Variants in WARS2 observed in about 807,000 individuals in gnomAD.
The protein encoded by WARS2 is tryptophan--tRNA ligase, mitochondrial.
Under a neutral mutation model 36.5 loss-of-function variants are expected in WARS2, and 28 were observed. The observed-to-expected ratio is 0.77, with a 90% CI of 0.57 to 1.05. WARS2 has a LOEUF of 1.05. Ranked by LOEUF, WARS2 falls within the 50% of genes least tolerant of loss-of-function variation. WARS2 has a pLI of 0.00. For missense variants in WARS2, 435 were observed against 456.8 expected, an observed-to-expected ratio of 0.95 and a Z score of 0.44; for synonymous variants, 174 against 178.4, an observed-to-expected ratio of 0.98 and a Z score of 0.20.
chr1:119,055,247 T>C (rs1435816102), intron 2 of WARS2, among the ~76,000 whole-genome samples: 1 of 152,172 alleles, frequency 6.6e-6, no homozygotes, highest in Non-Finnish European at 1.5e-5. Context: ...TTTGAAGATA[T>C]TCACAGAGAT....
rs1269123473 is a variant in WARS2, at chr1:119,033,081, C to T, written c.913G>A (p.Ala305Thr). ...TTCTCAATCACAGCATCTGCCACGG[C>T]CAGCTTGTAGCGAGCAGTGTTCATG... ...AGMNTARYKL[A>T]VADAVIEKFA... The change falls in exon 6 of 6, where the codon GCC becomes ACC. Residue 305 changes from alanine to threonine, a missense_variant. By Grantham distance (58) the Ala-to-Thr change is moderately conservative. Transcript: ENST00000235521. 1.9e-6 allele frequency: 3 copies of T among 1,614,240 alleles called. No homozygotes were observed. Among genetic ancestry groups the T allele is most frequent in the Non-Finnish European group, 1.7e-6 (2 of 1,180,052 alleles).
intron 2 of WARS2, among the ~76,000 whole-genome samples, chr1:119,066,827 A>G (rs541934576): frequency 6.6e-6 from 1 of 152,346 alleles, no homozygotes; most frequent in African/African-American, 2.4e-5. Flanking sequence ...ACAAACTGAC[A>G]ACATTCACTG....
chr1:119,109,659 T>C (rs1249086581), intron 1 of WARS2, among the ~76,000 whole-genome samples: 1 of 151,926 alleles, frequency 6.6e-6, no homozygotes, highest in Non-Finnish European at 1.5e-5. Flanking sequence ...ACTTCAACAA[T>C]CTGTCTTTTA....
At chr1:119,071,775 T>C (rs377579194) in intron 2 of WARS2, among the ~76,000 whole-genome samples, 4 of 152,110 alleles carry the variant, frequency 2.6e-5, no homozygotes, top group Non-Finnish European at 5.9e-5. Flanking sequence ...TTAATAATAA[T>C]GTATTGTATA....
chr1:119,124,985 T>A (rs775340761), intron 1 of WARS2, among the ~76,000 whole-genome samples: 3 of 152,202 alleles, frequency 2.0e-5, no homozygotes, highest in Non-Finnish European at 2.9e-5. Flanking sequence ...TTACTTAACA[T>A]CTGTTTCACA....
intron 4 of WARS2, among the ~76,000 whole-genome samples, chr1:119,037,049 CT>C: frequency 6.6e-6 from 1 of 152,286 alleles, no homozygotes; most frequent in East Asian, 1.9e-4. Context: ...TCTCCTCAGT[CT>C]TTCTTTCACT....
Position 119,032,694 on chromosome 1 carries a change from A to AT in WARS2, c.*216dup, listed in dbSNP as rs1393482977. The AT allele has an allele frequency of 1.1e-5, 6 of 559,284 alleles. No individual in the cohort carries two copies. The highest frequency in any genetic ancestry group is 7.6e-5 in the African/African-American group (4 of 52,870). The allele number at this position is 559,284 out of a possible 1,614,324, so 34.6% of individuals were successfully genotyped here. On this transcript the variant is annotated 3_prime_UTR_variant, in exon 6 of 6. Transcript: ENST00000235521. Reference sequence around the variant, plus strand: ...TCAGACAGCTATGCCTTCTTGATTTATTTTTTGTTGTTGTTGTTCACAGCA... The same window carrying AT: ...TCAGACAGCTATGCCTTCTTGATTTATTTTTTTGTTGTTGTTGTTCACAGCA...
At chr1:119,052,502 T>TG (rs1331715586) in intron 2 of WARS2, among the ~76,000 whole-genome samples, 1 of 152,364 alleles carries the variant, frequency 6.6e-6, no homozygotes, top group African/African-American at 2.4e-5. Flanking sequence ...TCTCTTCAAC[T>TG]GGTCTTCCCC....
At chr1:119,101,839 T>A (rs1353392330) in intron 1 of WARS2, among the ~76,000 whole-genome samples, 1 of 152,122 alleles carries the variant, frequency 6.6e-6, no homozygotes, top group African/African-American at 2.4e-5. Context: ...CGCAGAACAA[T>A]GTGTGCTAGT....
intron 3 of WARS2, 67 bp downstream of exon 3, chr1:119,045,514 TC>T (rs1316859268): frequency 1.4e-6 from 2 of 1,381,946 alleles, no homozygotes; most frequent in African/African-American, 2.9e-5. Context: ...AACTCAGGAT[TC>T]CCAGAGCCTA....
intron 1 of WARS2, among the ~76,000 whole-genome samples, chr1:119,076,946 C>G (rs891577453): frequency 1.3e-5 from 2 of 151,796 alleles, no homozygotes; most frequent in African/African-American, 4.8e-5. Context: ...TTGGGACCAG[C>G]CTGGCCAACA....
chr1:119,092,102 A>G (rs754936771), intron 1 of WARS2, among the ~76,000 whole-genome samples: 14 of 152,194 alleles, frequency 9.2e-5, no homozygotes, highest in Non-Finnish European at 1.9e-4. Flanking sequence ...AAGAGTGAGA[A>G]TATAAAGAGA....
At chr1:119,087,018 T>C (rs939155203) in intron 1 of WARS2, among the ~76,000 whole-genome samples, 14 of 152,086 alleles carry the variant, frequency 9.2e-5, no homozygotes, top group Admixed American at 8.5e-4. Flanking sequence ...AACATGCTTC[T>C]TCCTCCTACC....
chr1:119,131,438 C>T (rs138819753), intron 1 of WARS2, among the ~76,000 whole-genome samples: 2 of 149,698 alleles, frequency 1.3e-5, no homozygotes, highest in Non-Finnish European at 3.0e-5. Context: ...ATTTTGGATC[C>T]GGACTGTGCA....
intron 2 of WARS2, chr1:119,064,020 A>G (rs2101231680): frequency 6.6e-6 from 1 of 152,354 alleles, no homozygotes; most frequent in Admixed American, 6.5e-5. Context: ...TGGAAAAGCC[A>G]CAGACACTTA....
intron 2 of WARS2, among the ~76,000 whole-genome samples, chr1:119,058,745 T>C (rs1478983267): frequency 7.9e-6 from 1 of 126,644 alleles, no homozygotes; most frequent in Non-Finnish European, 1.6e-5. Flanking sequence ...TCTTTGCTAT[T>C]GTGAATAGTG....
chr1:119,035,548 A>G (rs1422086510), intron 4 of WARS2, among the ~76,000 whole-genome samples: 5 of 152,182 alleles, frequency 3.3e-5, no homozygotes, highest in Admixed American at 6.5e-5. Context: ...TGAAGGACAA[A>G]TAAAGGTAAA....
intron 1 of WARS2, chr1:119,126,947 A>AT (rs1291159300): frequency 9.4e-6 from 7 of 743,862 alleles, no homozygotes; most frequent in Non-Finnish European, 1.4e-5. Context: ...ATTGTCTGCC[A>AT]TTTTTTGATC....
chr1:119,112,747 TACCAGGCA>T (rs1247091667), intron 1 of WARS2, among the ~76,000 whole-genome samples: 1 of 152,202 alleles, frequency 6.6e-6, no homozygotes, highest in Non-Finnish European at 1.5e-5. Context: ...TAGAAAAAGT[TACCAGGCA>T]ACAGTAAATG....
Sources: gnomAD v4.1 joint callset for allele counts (sites outside exome capture counted in the v4.1 genomes callset) on GRCh38, gnomAD v4.1.1 for gene constraint, MANE v1.5 for transcripts, NCBI Gene and HGNC (gene_info 2026-07-23, HGNC 2026-07-21) for gene names.